Variants in TTC28 observed in about 807,000 individuals in gnomAD.
The protein encoded by TTC28 is tetratricopeptide repeat domain 28.
In TTC28, 61 loss-of-function variants were observed where a neutral mutation model predicts 198.0. The observed-to-expected ratio is 0.31, with a 90% CI of 0.25 to 0.38. The LOEUF (loss-of-function observed/expected upper bound fraction) is 0.38. Ranked by LOEUF, TTC28 falls within the 10% of genes least tolerant of loss-of-function variation. The probability of loss-of-function intolerance (pLI) is 1.00; values close to 1 mark genes in which losing one functional copy is unlikely to be tolerated. For synonymous variants in TTC28, 1,171 were observed against 1,297.8 expected (o/e 0.90, Z 2.10); for missense variants, 2,678 against 3,164.0 (o/e 0.85, Z 3.69).
intron 2 of TTC28, among the ~76,000 whole-genome samples, chr22:28,525,959 A>G (rs761011851): frequency 6.6e-5 from 10 of 152,218 alleles, no homozygotes; most frequent in Non-Finnish European, 1.2e-4. Context: ...CATCACAAAA[A>G]TGAGATGGCA....
intron 2 of TTC28, among the ~76,000 whole-genome samples, chr22:28,472,700 T>G (rs1337666426): frequency 6.6e-6 from 1 of 151,480 alleles, no homozygotes; most frequent in Non-Finnish European, 1.5e-5. Context: ...CAAACATTCC[T>G]AAAAAAGGGA....
chr22:28,205,238 G>C (rs572676580), intron 5 of TTC28, among the ~76,000 whole-genome samples: 7 of 152,022 alleles, frequency 4.6e-5, no homozygotes, highest in African/African-American at 1.4e-4. Flanking sequence ...CGGGGGGAGA[G>C]AGGGAGAGAG....
At chr22:28,385,963 C>A (rs1316400394) in intron 2 of TTC28, among the ~76,000 whole-genome samples, 3 of 152,092 alleles carry the variant, frequency 2.0e-5, no homozygotes, top group African/African-American at 2.4e-5. Flanking sequence ...AAGCCCCGCT[C>A]GAGTCCCATT....
At chr22:28,170,978 T>A (rs1483087692) in intron 5 of TTC28, among the ~76,000 whole-genome samples, 1 of 150,634 alleles carries the variant, frequency 6.6e-6, no homozygotes, top group East Asian at 2.0e-4. Flanking sequence ...TTGCCACTCA[T>A]TCTTTTTTTT....
intron 5 of TTC28, among the ~76,000 whole-genome samples, chr22:28,243,986 G>GA (rs959809347): frequency 3.9e-5 from 6 of 152,012 alleles, no homozygotes; most frequent in Admixed American, 2.0e-4. Flanking sequence ...TTAGAGGTGA[G>GA]AAAAAGACAG....
At chr22:28,581,630 T>C (rs2050235033) in intron 2 of TTC28, among the ~76,000 whole-genome samples, 1 of 152,204 alleles carries the variant, frequency 6.6e-6, no homozygotes, top group Non-Finnish European at 1.5e-5. Flanking sequence ...AATTCAACAA[T>C]TTTTATCTAC....
chr22:28,520,936 C>T (rs6005795), intron 2 of TTC28, among the ~76,000 whole-genome samples: 49,423 of 151,924 alleles, frequency 0.33, 8,614 homozygotes, highest in African/African-American at 0.46. Flanking sequence ...GCCTGTAGTC[C>T]CAGCTACTTG....
chr22:28,527,975 T>C (rs1258538030), intron 2 of TTC28, among the ~76,000 whole-genome samples: 2 of 152,112 alleles, frequency 1.3e-5, no homozygotes, highest in East Asian at 3.9e-4. Context: ...GCATGTAAGC[T>C]CAGGTCTCTT....
At chr22:28,394,411 C>T (rs1407767165) in intron 2 of TTC28, among the ~76,000 whole-genome samples, 1 of 152,160 alleles carries the variant, frequency 6.6e-6, no homozygotes, top group Non-Finnish European at 1.5e-5. Context: ...TTCCCCTGAT[C>T]TTAAATCTAA....
intron 1 of TTC28, among the ~76,000 whole-genome samples, chr22:28,656,385 G>C (rs1018814790): frequency 6.6e-5 from 10 of 152,182 alleles, no homozygotes; most frequent in Non-Finnish European, 1.0e-4. Flanking sequence ...CAGCAGAGAG[G>C]AAGGCCATGA....
chr22:28,534,052 T>G (rs2049206675), intron 2 of TTC28, among the ~76,000 whole-genome samples: 1 of 152,044 alleles, frequency 6.6e-6, no homozygotes, highest in South Asian at 2.1e-4. Context: ...AAGCCAAAAT[T>G]GACAAATGGG....
chr22:28,030,175 C>T (rs1939015102), intron 13 of TTC28, 51 bp downstream of exon 13: 1 of 1,544,932 alleles, frequency 6.5e-7, no homozygotes, highest in Non-Finnish European at 8.7e-7. Flanking sequence ...ATTATCTGTG[C>T]TCAGAGCACC....
intron 6 of TTC28, among the ~76,000 whole-genome samples, chr22:28,125,069 T>G (rs540806729): frequency 1.8e-4 from 27 of 152,336 alleles, no homozygotes; most frequent in Admixed American, 3.9e-4. Flanking sequence ...TACATATACC[T>G]TTCCTCCAAA....
intron 2 of TTC28, among the ~76,000 whole-genome samples, chr22:28,358,387 G>A (rs977348908): frequency 3.3e-5 from 5 of 152,108 alleles, no homozygotes; most frequent in Non-Finnish European, 7.4e-5. Context: ...TATCCATCTC[G>A]AGGTAGAAAA....
At chr22:28,010,205 C>G (rs1347071319) in intron 14 of TTC28, among the ~76,000 whole-genome samples, 1 of 152,170 alleles carries the variant, frequency 6.6e-6, no homozygotes, top group African/African-American at 2.4e-5. Flanking sequence ...TTTTGAAATG[C>G]TGGTGACAGT....
chr22:28,045,106 C>G (rs1265623144), intron 12 of TTC28, among the ~76,000 whole-genome samples: 2 of 152,088 alleles, frequency 1.3e-5, no homozygotes, highest in Non-Finnish European at 2.9e-5. Context: ...GCTCTCAAAC[C>G]CTCTCCCCCA....
chr22:28,026,878 G>A (rs570409488), intron 13 of TTC28, among the ~76,000 whole-genome samples: 13 of 152,274 alleles, frequency 8.5e-5, no homozygotes, highest in South Asian at 6.2e-4. Flanking sequence ...TGCTTGTTGC[G>A]CCAATGGTGG....
At chr22:28,373,972 A>C (rs1370876749) in intron 2 of TTC28, among the ~76,000 whole-genome samples, 1 of 152,148 alleles carries the variant, frequency 6.6e-6, no homozygotes, top group African/African-American at 2.4e-5. Flanking sequence ...ATTCCACATA[A>C]GCTATTTTGA....
chr22:28,663,764 G>A (rs1388870752), intron 1 of TTC28, among the ~76,000 whole-genome samples: 2 of 136,888 alleles, frequency 1.5e-5, no homozygotes, highest in African/African-American at 2.8e-5. Flanking sequence ...AAACAAAGCA[G>A]CCGGGAAGCT....
Sources: allele counts gnomAD v4.1 joint callset (sites outside exome capture counted in the v4.1 genomes callset), GRCh38; gene constraint gnomAD v4.1.1; transcripts MANE v1.5; gene names NCBI Gene and HGNC (gene_info 2026-07-23, HGNC 2026-07-21).